Variants in RNF150 observed in about 807,000 individuals in gnomAD.
The protein encoded by RNF150 is ring finger protein 150.
A neutral mutation model predicts 39.3 loss-of-function variants in RNF150; 24 were observed. The observed-to-expected ratio is 0.61, with a 90% CI of 0.44 to 0.86. The LOEUF is 0.86. RNF150 is among the 40% of genes least tolerant of loss of function. The probability of loss-of-function intolerance (pLI) is 0.00; values close to 1 mark genes in which losing one functional copy is unlikely to be tolerated. For synonymous variants in RNF150, 255 were observed against 227.3 expected, an observed-to-expected ratio of 1.12 and a Z score of -1.10; for missense variants, 502 against 587.8, an observed-to-expected ratio of 0.85 and a Z score of 1.51.
chr4:140,906,180 G>T (rs1368796039), intron 6 of RNF150, among the ~76,000 whole-genome samples: 1 of 151,960 alleles, frequency 6.6e-6, no homozygotes, highest in Admixed American at 6.6e-5. Context: ...TCATTCAGGG[G>T]CAAGGAACTC....
intron 1 of RNF150, among the ~76,000 whole-genome samples, chr4:141,059,256 T>C (rs1255970223): frequency 6.6e-6 from 1 of 152,186 alleles, no homozygotes; most frequent in Non-Finnish European, 1.5e-5. Flanking sequence ...GTATGTTTAG[T>C]CGAATCGCTA....
At chr4:140,909,870 C>T (rs1457999542) in intron 6 of RNF150, among the ~76,000 whole-genome samples, 1 of 152,106 alleles carries the variant, frequency 6.6e-6, no homozygotes, top group South Asian at 2.1e-4. Context: ...TTTGCATGTG[C>T]AGATATTTCT....
At chr4:141,017,374 GGAAA>G in intron 1 of RNF150, among the ~76,000 whole-genome samples, 1 of 152,048 alleles carries the variant, frequency 6.6e-6, no homozygotes, top group East Asian at 1.9e-4. Flanking sequence ...AAACTGAGAA[GGAAA>G]GAGAGAGTTC....
At position 141,133,464 on chromosome 4, in the gene RNF150, C is replaced by A; in HGVS notation, c.-656G>T. The A allele has an allele frequency of 6.4e-6, 1 of 156,630 alleles. No individual in the cohort carries two copies. The allele number at this position is 156,630 out of a possible 1,614,324, so 9.7% of individuals were successfully genotyped here. On this transcript the variant is annotated 5_prime_UTR_variant, in exon 1 of 7. Coordinates refer to ENST00000515673, the MANE Select transcript of RNF150 (RefSeq NM_020724.2). ...GAGTAAGCGGTCCGTGTGTGTGTGT[C>A]TGTATGTTTGTGTGTGTGTGTGTGT...
At chr4:140,962,704 C>A (rs2111410074) in intron 2 of RNF150, among the ~76,000 whole-genome samples, 1 of 152,016 alleles carries the variant, frequency 6.6e-6, no homozygotes, top group Non-Finnish European at 1.5e-5. Context: ...TGAGTGCTGA[C>A]TGAATGATTA....
intron 1 of RNF150, among the ~76,000 whole-genome samples, chr4:140,972,705 C>T (rs917856699): frequency 6.6e-6 from 1 of 152,130 alleles, no homozygotes; most frequent in Non-Finnish European, 1.5e-5. Flanking sequence ...CTCCAGGTCC[C>T]TTCTCTCCCT....
intron 1 of RNF150, among the ~76,000 whole-genome samples, chr4:141,002,288 TATTGTACTTGATTAA>T (rs1734694185): frequency 6.6e-6 from 1 of 152,128 alleles, no homozygotes; most frequent in Non-Finnish European, 1.5e-5. Context: ...ACACAGTCTT[TATTGTACTTGATTAA>T]GCTCACACCA....
intron 1 of RNF150, among the ~76,000 whole-genome samples, chr4:141,120,161 A>T (rs1356652153): frequency 6.6e-6 from 1 of 152,236 alleles, no homozygotes; most frequent in African/African-American, 2.4e-5. Context: ...TGTGGGAGAC[A>T]GACAATAATG....
At chr4:140,958,232 T>C (rs1229900104) in intron 2 of RNF150, among the ~76,000 whole-genome samples, 1 of 152,048 alleles carries the variant, frequency 6.6e-6, no homozygotes, top group Non-Finnish European at 1.5e-5. Flanking sequence ...GATTTTGGTA[T>C]CCATGGGTAG....
At position 140,928,054 on chromosome 4, in the gene RNF150, T is replaced by C. The variant is rs561041824; in HGVS notation, c.891-1981A>G. Among the ~76,000 whole-genome samples the C allele has an allele frequency of 2.0e-5, 3 of 151,404 alleles. No homozygotes were observed. In the South Asian group the frequency reaches 6.2e-4, roughly 31 times the overall value. ...GGAAGGAGTATATTTCATTCACTCA[T>C]CCATTCACTCCTTTATCTGTGCATT... On this transcript the variant is annotated intron_variant, in intron 4 of 6. Transcript: ENST00000515673.
chr4:141,152,537 AAAGGT>A (rs1367465208), intron 1 of RNF150, among the ~76,000 whole-genome samples: 1 of 152,194 alleles, frequency 6.6e-6, no homozygotes, highest in Non-Finnish European at 1.5e-5. Context: ...TTGCATGAAA[AAAGGT>A]AAAATTTATT....
At chr4:140,921,292 A>C (rs1731131271) in intron 5 of RNF150, among the ~76,000 whole-genome samples, 1 of 151,844 alleles carries the variant, frequency 6.6e-6, no homozygotes, top group Admixed American at 6.6e-5. Context: ...GGATATCACC[A>C]CCGATCCCAC....
chr4:141,097,050 T>C (rs1309604147), intron 1 of RNF150, among the ~76,000 whole-genome samples: 2 of 152,236 alleles, frequency 1.3e-5, no homozygotes, highest in Non-Finnish European at 2.9e-5. Flanking sequence ...GGAAAAATGA[T>C]CATCCAATTA....
intron 1 of RNF150, among the ~76,000 whole-genome samples, chr4:141,055,915 G>C (rs1400953726): frequency 6.6e-6 from 1 of 152,174 alleles, no homozygotes; most frequent in Non-Finnish European, 1.5e-5. Flanking sequence ...ACACAGGTGT[G>C]CACTTTGAAA....
intron 1 of RNF150, among the ~76,000 whole-genome samples, chr4:141,015,030 T>C (rs562852204): frequency 1.1e-4 from 17 of 152,322 alleles, no homozygotes; most frequent in African/African-American, 3.8e-4. Context: ...TTTTCATTCT[T>C]CTGCGTGTGG....
intron 6 of RNF150, among the ~76,000 whole-genome samples, chr4:140,880,304 AT>A (rs201400232): frequency 2.6e-5 from 4 of 151,746 alleles, no homozygotes; most frequent in Non-Finnish European, 4.4e-5. Context: ...ACACTGACTG[AT>A]TTTTTTTTGT....
intron 6 of RNF150, among the ~76,000 whole-genome samples, chr4:140,886,398 C>A (rs1285733062): frequency 6.6e-6 from 1 of 152,002 alleles, no homozygotes; most frequent in Non-Finnish European, 1.5e-5. Flanking sequence ...CTGAACTAGG[C>A]ATCCCACAAT....
intron 1 of RNF150, among the ~76,000 whole-genome samples, chr4:141,154,794 G>A (rs1727356015): frequency 6.6e-6 from 1 of 152,172 alleles, no homozygotes; most frequent in Non-Finnish European, 1.5e-5. Flanking sequence ...TAGAGATGAG[G>A]AAAAGAGAGA....
chr4:140,945,249 A>G (rs1037656941), intron 4 of RNF150, among the ~76,000 whole-genome samples: 28 of 152,188 alleles, frequency 1.8e-4, no homozygotes, highest in Non-Finnish European at 3.8e-4. Flanking sequence ...GCTAATGTAC[A>G]TTAAAATCCC....
Sources: allele counts gnomAD v4.1 joint callset (sites outside exome capture counted in the v4.1 genomes callset), GRCh38; gene constraint gnomAD v4.1.1; transcripts MANE v1.5; gene names NCBI Gene and HGNC (gene_info 2026-07-23, HGNC 2026-07-21).